The following MRPL42 variants were observed in gnomAD, a reference collection of about 807,000 sequenced individuals.
The protein encoded by MRPL42 is mitochondrial ribosomal protein L42, also known as large ribosomal subunit protein mL42.
MRPL42 carries 17 observed loss-of-function variants against 17.9 expected under a neutral mutation model. The ratio of observed to expected loss-of-function variants is 0.95; its 90% CI spans 0.65 to 1.42. The LOEUF is 1.42. Among genes scored for constraint, MRPL42 ranks in the 40% most tolerant of loss-of-function variants. The pLI is 0.00. For missense variants in MRPL42, 177 were observed against 175.2 expected, an observed-to-expected ratio of 1.01 and a Z score of -0.06; for synonymous variants, 59 against 54.4, an observed-to-expected ratio of 1.08 and a Z score of -0.37.
Position 93,510,514 on chromosome 12 carries a change from A to T in MRPL42, c.*9293A>T, listed in dbSNP as rs1953716293. 1 of 152,216 alleles carries T rather than the reference A, an allele frequency of 6.6e-6. No individual in the cohort carries two copies. The highest frequency in any genetic ancestry group is 6.5e-5 in the Admixed American group (1 of 15,278). 9.4% of individuals were successfully genotyped at this position (152,216 alleles called of 1,614,324 possible). ...AAGAGAATGTTTCGTTTTGTAAAAA[A>T]CCACCAAACTGTCCTACAGAGAGGC... is the stretch of plus-strand genomic sequence containing the variant. On this transcript the variant is annotated 3_prime_UTR_variant, in exon 6 of 6. Coordinates refer to ENST00000549982, the MANE Select transcript of MRPL42 (RefSeq NM_014050.4).
intron 2 of MRPL42, among the ~76,000 whole-genome samples, chr12:93,475,804 G>A (rs1880141777): frequency 6.6e-6 from 1 of 151,782 alleles, no homozygotes; most frequent in African/African-American, 2.4e-5. Flanking sequence ...CTAACACGGC[G>A]AACCCCGTCT....
intron 4 of MRPL42, among the ~76,000 whole-genome samples, chr12:93,481,713 A>T (rs1378128129): frequency 6.6e-6 from 1 of 152,084 alleles, no homozygotes; most frequent in Non-Finnish European, 1.5e-5. Flanking sequence ...TTCCCTAGAG[A>T]TATTCTAATT....
rs768242612 is a variant in MRPL42, at chr12:93,512,598, G to C, written c.*11377G>C. 6.6e-6 allele frequency: 1 copy of C among 152,540 alleles called. No homozygotes were observed. Among genetic ancestry groups the C allele is most frequent in the East Asian group, 1.9e-4 (1 of 5,206 alleles). The allele number at this position is 152,540 out of a possible 1,614,324, so 9.4% of individuals were successfully genotyped here. A position where few individuals can be genotyped will look rare whatever the true frequency, so the allele number is the denominator to read the frequency against. Reference sequence around the variant, plus strand: ...GAATGCAACTTGTTTTTTAATGGCAGATAAAATCAAAGAGCAAAAGCAAAA... The same window carrying C: ...GAATGCAACTTGTTTTTTAATGGCACATAAAATCAAAGAGCAAAAGCAAAA... On this transcript the variant is annotated 3_prime_UTR_variant, in exon 6 of 6. Coordinates refer to ENST00000549982, the MANE Select transcript of MRPL42 (RefSeq NM_014050.4).
intron 4 of MRPL42, among the ~76,000 whole-genome samples, chr12:93,481,789 C>T (rs1422819412): frequency 2.0e-5 from 3 of 152,138 alleles, no homozygotes; most frequent in Non-Finnish European, 4.4e-5. Flanking sequence ...ACTACCAGTC[C>T]CTCTTGGTCT....
In MRPL42 at chr12:93,504,003, C is replaced by CTTTTTTT. The variant is rs35963955; in HGVS notation, c.*2786_*2792dup. On this transcript the variant is annotated 3_prime_UTR_variant, in exon 6 of 6. Coordinates refer to ENST00000549982, the MANE Select transcript of MRPL42 (RefSeq NM_014050.4). The stretch of plus-strand genomic sequence containing the variant: ...TATTTTTTTTTTAAATTTATTTCTT[C>CTTTTTTT]TTTTTTTTTTCTTATAATCTCATCA... The CTTTTTTT allele has an allele frequency of 6.8e-6, 1 of 147,232 alleles. No homozygotes were observed. 9.1% of individuals were successfully genotyped at this position (147,232 alleles called of 1,614,324 possible). A position where few individuals can be genotyped will look rare whatever the true frequency, so the allele number is the denominator to read the frequency against.
intron 4 of MRPL42, 110 bp from the exon 5 acceptor site, chr12:93,487,387 A>C: frequency 1.1e-6 from 1 of 947,094 alleles, no homozygotes; most frequent in Non-Finnish European, 1.5e-6. Flanking sequence ...TGCCCACCCT[A>C]AAGTACTATA....
At chr12:93,487,771 C>T in intron 5 of MRPL42, 111 bp downstream of exon 5, 1 of 996,466 alleles carries the variant, frequency 1.0e-6, no homozygotes, top group Non-Finnish European at 1.5e-6. Flanking sequence ...GAAATTAACC[C>T]TAAGTAGAAT....
intron 4 of MRPL42, among the ~76,000 whole-genome samples, chr12:93,479,931 A>T (rs544719736): frequency 6.6e-6 from 1 of 151,308 alleles, no homozygotes; most frequent in Non-Finnish European, 1.5e-5. Flanking sequence ...TAATGGGCCA[A>T]CATAGGTATA....
At chr12:93,488,968 G>A (rs1953362801) in intron 5 of MRPL42, among the ~76,000 whole-genome samples, 1 of 151,770 alleles carries the variant, frequency 6.6e-6, no homozygotes, top group Non-Finnish European at 1.5e-5. Flanking sequence ...TGGGATTACA[G>A]GCACACTCTG....
intron 5 of MRPL42, among the ~76,000 whole-genome samples, chr12:93,489,585 G>A (rs917335541): frequency 6.6e-6 from 1 of 151,938 alleles, no homozygotes; most frequent in Non-Finnish European, 1.5e-5. Context: ...CTAGGCTGGA[G>A]TGCAGTGGTG....
At chr12:93,495,354 G>T (rs545501900) in intron 5 of MRPL42, among the ~76,000 whole-genome samples, 1 of 152,182 alleles carries the variant, frequency 6.6e-6, no homozygotes, top group South Asian at 2.1e-4. Flanking sequence ...CTCCTAAGTA[G>T]CTGGGACTAC....
At chr12:93,477,065 GA>G in intron 3 of MRPL42, 48 bp downstream of exon 3, 1 of 1,285,054 alleles carries the variant, frequency 7.8e-7, no homozygotes, top group Non-Finnish European at 1.1e-6. Flanking sequence ...AGCTATAGCT[GA>G]AATGATTTAA....
chr12:93,484,357 C>T (rs913788963), intron 4 of MRPL42, among the ~76,000 whole-genome samples: 1 of 151,980 alleles, frequency 6.6e-6, no homozygotes, highest in Admixed American at 6.6e-5. Flanking sequence ...GCCACTGTAG[C>T]CTGCCGTTAT....
rs186958674 is a variant in MRPL42 at position 93,486,580 on chromosome 12, C to T, written c.220-917C>T. Among the ~76,000 whole-genome samples, 265 of 152,320 alleles carry T rather than the reference C, an allele frequency of 1.7e-3. 1 individual carries two copies. The highest frequency in any genetic ancestry group is 3.4e-3 in the Middle Eastern group (1 of 294). ...CTTGAACTCCTGACCTCAGGTGATC[C>T]ACCTGCCTTGGCCTCCCAAAGTGCT... On this transcript the variant is annotated intron_variant, in intron 4 of 5. Transcript: ENST00000549982.
At chr12:93,476,858 A>T in intron 2 of MRPL42, 96 bp from the exon 3 acceptor site, 1 of 1,133,852 alleles carries the variant, frequency 8.8e-7, no homozygotes, top group Non-Finnish European at 1.3e-6. Flanking sequence ...CATACTAAAC[A>T]GTAATGTTGG....
At position 93,513,211 on chromosome 12, in the gene MRPL42, A is replaced by ATT; in HGVS notation, c.*11990_*11991insTT. ...TTTTTTTTTTTTTTTTTTTTTTGAGAGAGAGGGTCTCATTCATTTTATTGC... is the reference window on the plus strand; with the variant it reads ...TTTTTTTTTTTTTTTTTTTTTTGAGATTGAGAGGGTCTCATTCATTTTATTGC... On this transcript the variant is annotated 3_prime_UTR_variant, in exon 6 of 6. Coordinates refer to ENST00000549982, the MANE Select transcript of MRPL42 (RefSeq NM_014050.4). 4 of 35,714 alleles carry ATT rather than the reference A, an allele frequency of 1.1e-4. No homozygotes were observed. The highest frequency in any genetic ancestry group is 2.5e-4 in the Non-Finnish European group (4 of 15,772). The allele number at this position is 35,714 out of a possible 1,614,324, so 2.2% of individuals were successfully genotyped here. A position where few individuals can be genotyped will look rare whatever the true frequency, so the allele number is the denominator to read the frequency against.
chr12:93,485,874 A>T (rs1171204640), intron 4 of MRPL42, among the ~76,000 whole-genome samples: 1 of 152,092 alleles, frequency 6.6e-6, no homozygotes. Flanking sequence ...CTGTGCAGTC[A>T]TGGCTCACTG....
intron 2 of MRPL42, among the ~76,000 whole-genome samples, chr12:93,470,307 C>T (rs1879847159): frequency 6.6e-6 from 1 of 152,108 alleles, no homozygotes; most frequent in Non-Finnish European, 1.5e-5. Context: ...TCTTTTTTCT[C>T]AGCCAACTGT....
At position 93,506,213 on chromosome 12, in the gene MRPL42, C is replaced by G. The variant is rs938298087; in HGVS notation, c.*4992C>G. On this transcript the variant is annotated 3_prime_UTR_variant, in exon 6 of 6. Coordinates refer to ENST00000549982, the MANE Select transcript of MRPL42 (RefSeq NM_014050.4). ...AAAATACTGGGATTACAAGGGTGAG[C>G]CACTGTGCCCAGCCTCTTCTGAGTC... 5 of 150,742 alleles carry G rather than the reference C, an allele frequency of 3.3e-5. No homozygotes were observed. The highest frequency in any genetic ancestry group is 9.8e-5 in the African/African-American group (4 of 40,630). The allele number at this position is 150,742 out of a possible 1,614,324, so 9.3% of individuals were successfully genotyped here.
Sources: allele counts gnomAD v4.1 joint callset (sites outside exome capture counted in the v4.1 genomes callset), GRCh38; gene constraint gnomAD v4.1.1; transcripts MANE v1.5; gene names NCBI Gene and HGNC (gene_info 2026-07-23, HGNC 2026-07-21).